IGBP1C: variants seen among roughly 807,000 people sequenced by gnomAD.
IGBP1C encodes the protein IGBP1 family member C, also known as immunoglobulin-binding protein 1 family member C.
chr17:58,688,603 A>C, the IGBP1C span, among the ~76,000 whole-genome samples: 1 of 152,202 alleles, frequency 6.6e-6, no homozygotes, highest in African/African-American at 2.4e-5. Flanking sequence ...AATCTTGACC[A>C]AAACCCCAGG....
At chr17:58,677,624 G>A in the IGBP1C span, 2 of 152,242 alleles carry the variant, frequency 1.3e-5, no homozygotes, top group Admixed American at 6.5e-5. Flanking sequence ...ATGCAGTTGA[G>A]TATCCCACAT....
At chr17:58,679,178 G>T in the IGBP1C span, among the ~76,000 whole-genome samples, 3 of 152,020 alleles carry the variant, frequency 2.0e-5, no homozygotes, top group Admixed American at 6.6e-5. Flanking sequence ...AAAACAGAAG[G>T]ACTCTGGAGG....
the IGBP1C span, among the ~76,000 whole-genome samples, chr17:58,690,991 C>A: frequency 3.6e-4 from 55 of 152,052 alleles, 1 homozygote; most frequent in Non-Finnish European, 1.8e-4. Flanking sequence ...GTAGCTGGGA[C>A]GACCGGTGCA....
the IGBP1C span, among the ~76,000 whole-genome samples, chr17:58,687,168 G>C: frequency 6.6e-6 from 1 of 152,058 alleles, no homozygotes; most frequent in Non-Finnish European, 1.5e-5. Flanking sequence ...CAGAAGATTT[G>C]CTGGAGGCAA....
chr17:58,686,550 G>C, the IGBP1C span, among the ~76,000 whole-genome samples: 7 of 152,094 alleles, frequency 4.6e-5, no homozygotes, highest in Admixed American at 4.6e-4. Context: ...GCCATGCCCA[G>C]GTTATGGAGG....
the IGBP1C span, among the ~76,000 whole-genome samples, chr17:58,667,357 A>T: frequency 2.6e-5 from 4 of 152,200 alleles, no homozygotes; most frequent in Non-Finnish European, 5.9e-5. Context: ...CTGTCCTTGG[A>T]GGAGTTTTTG....
At chr17:58,681,207 C>T in the IGBP1C span, among the ~76,000 whole-genome samples, 12 of 152,034 alleles carry the variant, frequency 7.9e-5, no homozygotes, top group Admixed American at 7.2e-4. Context: ...TGCAGTGAGC[C>T]GAGACTGTGC....
chr17:58,682,238 C>T, the IGBP1C span, among the ~76,000 whole-genome samples: 1 of 151,626 alleles, frequency 6.6e-6, no homozygotes, highest in South Asian at 2.1e-4. Flanking sequence ...CATGGAACCA[C>T]CATGCCCAGG....
At chr17:58,661,244 T>C in the IGBP1C span, 1 of 794,842 alleles carries the variant, frequency 1.3e-6, no homozygotes, top group Non-Finnish European at 2.3e-6. Context: ...ACGATAGTAA[T>C]GGCACTGAGT....
the IGBP1C span, chr17:58,661,542 A>G: frequency 1.3e-6 from 1 of 775,096 alleles, no homozygotes; most frequent in Non-Finnish European, 2.4e-6. Flanking sequence ...TGTTTGCTGG[A>G]ATCGAACAGC....
chr17:58,662,842 G>A, the IGBP1C span, among the ~76,000 whole-genome samples: 1 of 152,090 alleles, frequency 6.6e-6, no homozygotes, highest in East Asian at 1.9e-4. Flanking sequence ...TAATGTGACC[G>A]GGCGCGGTGG....
chr17:58,662,844 G>T, the IGBP1C span, among the ~76,000 whole-genome samples: 1 of 152,304 alleles, frequency 6.6e-6, no homozygotes, highest in East Asian at 1.9e-4. Flanking sequence ...ATGTGACCGG[G>T]CGCGGTGGCT....
chr17:58,675,743 A>C, the IGBP1C span, among the ~76,000 whole-genome samples: 4 of 152,172 alleles, frequency 2.6e-5, no homozygotes, highest in Non-Finnish European at 5.9e-5. Context: ...ATATTGGCTG[A>C]ATTGAATGAA....
the IGBP1C span, among the ~76,000 whole-genome samples, chr17:58,682,544 C>T: frequency 6.6e-6 from 1 of 152,130 alleles, no homozygotes; most frequent in Admixed American, 6.6e-5. Flanking sequence ...AGGTGTGAGC[C>T]ACCACGACCA....
At chr17:58,690,076 C>T in the IGBP1C span, among the ~76,000 whole-genome samples, 2 of 151,858 alleles carry the variant, frequency 1.3e-5, no homozygotes, top group Non-Finnish European at 2.9e-5. Flanking sequence ...GTCTCGATCT[C>T]CTGACCTTGT....
At chr17:58,681,034 C>A in the IGBP1C span, among the ~76,000 whole-genome samples, 1,391 of 152,020 alleles carry the variant, frequency 9.2e-3, 24 homozygotes, top group African/African-American at 0.031. Context: ...GTAATCCCAG[C>A]ACTTTGGGAG....
the IGBP1C span, among the ~76,000 whole-genome samples, chr17:58,668,758 A>T: frequency 6.6e-6 from 1 of 152,164 alleles, no homozygotes; most frequent in Non-Finnish European, 1.5e-5. Context: ...TCACCCAGAA[A>T]GCATGTGGCA....
the IGBP1C span, among the ~76,000 whole-genome samples, chr17:58,671,325 C>A: frequency 4.9e-4 from 74 of 152,342 alleles, no homozygotes; most frequent in Non-Finnish European, 8.5e-4. Flanking sequence ...CATCCCCTAA[C>A]ATATACACAT....
chr17:58,679,504 G>C, the IGBP1C span: 2 of 152,106 alleles, frequency 1.3e-5, no homozygotes, highest in African/African-American at 4.8e-5. Flanking sequence ...TACAACGTAC[G>C]CCTTTTATAA....
Sources: allele counts gnomAD v4.1 joint callset (sites outside exome capture counted in the v4.1 genomes callset), GRCh38; gene constraint gnomAD v4.1.1; transcripts MANE v1.5; gene names NCBI Gene and HGNC (gene_info 2026-07-23, HGNC 2026-07-21).